CSMD1: variants seen among roughly 807,000 people sequenced by gnomAD.
The protein encoded by CSMD1 is CUB and Sushi multiple domains 1.
CSMD1 carries 213 observed loss-of-function variants against 417.5 expected under a neutral mutation model. The ratio of observed to expected loss-of-function variants is 0.51; its 90% CI spans 0.46 to 0.57. The LOEUF (loss-of-function observed/expected upper bound fraction) is 0.57, where lower values mean the gene tolerates loss of function less well. CSMD1 is among the 20% of genes least tolerant of loss of function. The pLI, the probability that CSMD1 is intolerant of heterozygous loss-of-function variation, is 0.00. For synonymous variants in CSMD1, 2,862 were observed against 1,736.8 expected (o/e 1.65, Z -16.11); for missense variants, 6,923 against 4,529.7 (o/e 1.53, Z -15.17).
intron 5 of CSMD1, among the ~76,000 whole-genome samples, chr8:3,766,048 G>A (rs549118207): frequency 3.9e-5 from 6 of 152,286 alleles, no homozygotes; most frequent in Non-Finnish European, 5.9e-5. Context: ...TAAGGACTAC[G>A]TGCCAGGGAA....
chr8:3,852,112 G>A (rs1803951256), intron 5 of CSMD1, among the ~76,000 whole-genome samples: 1 of 152,162 alleles, frequency 6.6e-6, no homozygotes, highest in Admixed American at 6.5e-5. Flanking sequence ...AGAGGCTCAG[G>A]TTGTTGCAAA....
At chr8:3,237,869 ATAATTATACTATAAATATAAT>A (rs1277983956) in intron 26 of CSMD1, among the ~76,000 whole-genome samples, 625 of 29,108 alleles carry the variant, frequency 0.021, 222 homozygotes, top group Admixed American at 0.09. Flanking sequence ...TATAATTTTT[ATAATTATACTATAAATATAAT>A]TTTTATAATT....
At chr8:4,363,156 A>C (rs573558806) in intron 3 of CSMD1, among the ~76,000 whole-genome samples, 1 of 152,338 alleles carries the variant, frequency 6.6e-6, no homozygotes, top group African/African-American at 2.4e-5. Context: ...AGACAGTTTC[A>C]AACATACCTA....
At chr8:4,250,037 G>C (rs984406587) in intron 3 of CSMD1, among the ~76,000 whole-genome samples, 27 of 152,104 alleles carry the variant, frequency 1.8e-4, no homozygotes, top group African/African-American at 6.0e-4. Context: ...TGAATAAATT[G>C]ATGCCCCAAT....
At chr8:3,444,294 A>G (rs1283480230) in intron 12 of CSMD1, among the ~76,000 whole-genome samples, 1 of 152,226 alleles carries the variant, frequency 6.6e-6, no homozygotes, top group East Asian at 1.9e-4. Flanking sequence ...CTGGATGGCA[A>G]AGAAGCTATC....
intron 1 of CSMD1, among the ~76,000 whole-genome samples, chr8:4,864,966 A>G (rs1264098673): frequency 3.3e-5 from 5 of 150,680 alleles, no homozygotes; most frequent in African/African-American, 1.2e-4. Context: ...TTTAAATATT[A>G]TAATATTATT....
intron 54 of CSMD1, among the ~76,000 whole-genome samples, chr8:2,991,855 C>T (rs1806415361): frequency 6.6e-6 from 1 of 152,246 alleles, no homozygotes; most frequent in East Asian, 1.9e-4. Context: ...TAAATTCCAC[C>T]TATTACAAAG....
chr8:3,229,311 G>C (rs927307564), intron 27 of CSMD1, among the ~76,000 whole-genome samples: 1 of 152,100 alleles, frequency 6.6e-6, no homozygotes, highest in Non-Finnish European at 1.5e-5. Flanking sequence ...ATAAAGTTCA[G>C]TAGTTTCTTT....
chr8:3,196,096 A>C (rs1323343924), intron 33 of CSMD1, among the ~76,000 whole-genome samples: 1 of 152,168 alleles, frequency 6.6e-6, no homozygotes, highest in Non-Finnish European at 1.5e-5. Context: ...AAATCCACCA[A>C]AACCAAGATG....
At chr8:4,055,460 A>C (rs1013060417) in intron 3 of CSMD1, among the ~76,000 whole-genome samples, 5 of 147,224 alleles carry the variant, frequency 3.4e-5, no homozygotes, top group Admixed American at 6.6e-5. Context: ...AGAAAAATTT[A>C]ATAAATTATA....
intron 3 of CSMD1, among the ~76,000 whole-genome samples, chr8:4,101,070 C>G (rs1032169217): frequency 6.6e-6 from 1 of 152,122 alleles, no homozygotes; most frequent in Non-Finnish European, 1.5e-5. Context: ...AGAGACGAGA[C>G]GGCGCTGGGT....
chr8:4,604,408 T>C (rs62486693), intron 2 of CSMD1, among the ~76,000 whole-genome samples: 115 of 59,480 alleles, frequency 1.9e-3, no homozygotes, highest in Non-Finnish European at 4.0e-3. Context: ...TGTGTGTGTG[T>C]GTGCGCGTGC....
intron 4 of CSMD1, among the ~76,000 whole-genome samples, chr8:4,006,247 G>C (rs1585119573): frequency 6.6e-6 from 1 of 152,176 alleles, no homozygotes; most frequent in Non-Finnish European, 1.5e-5. Context: ...CAGGAGTAAG[G>C]ATCATTCACC....
intron 5 of CSMD1, among the ~76,000 whole-genome samples, chr8:3,852,483 G>C (rs935782109): frequency 5.9e-5 from 9 of 152,168 alleles, no homozygotes; most frequent in Admixed American, 1.3e-4. Context: ...GAATAAGCTG[G>C]GATATAGAAG....
At chr8:3,533,338 G>C (rs1296565418) in intron 10 of CSMD1, among the ~76,000 whole-genome samples, 10 of 152,116 alleles carry the variant, frequency 6.6e-5, no homozygotes, top group African/African-American at 2.4e-4. Flanking sequence ...CAGATCTCTA[G>C]AACTTATTCA....
chr8:3,394,922 A>C (rs1747946912), intron 17 of CSMD1, among the ~76,000 whole-genome samples: 1 of 152,228 alleles, frequency 6.6e-6, no homozygotes, highest in Non-Finnish European at 1.5e-5. Context: ...TGATATTGGA[A>C]TATTTTTATC....
At chr8:4,881,553 T>C (rs1803403899) in intron 1 of CSMD1, among the ~76,000 whole-genome samples, 1 of 119,870 alleles carries the variant, frequency 8.3e-6, no homozygotes, top group South Asian at 2.6e-4. Context: ...TTTTTTTTTA[T>C]CTCATTTACG....
intron 50 of CSMD1, among the ~76,000 whole-genome samples, chr8:3,034,824 A>G (rs1810569167): frequency 6.6e-6 from 1 of 152,218 alleles, no homozygotes; most frequent in African/African-American, 2.4e-5. Context: ...GATAAAACTG[A>G]GAAATATAGA....
intron 5 of CSMD1, among the ~76,000 whole-genome samples, chr8:3,824,630 C>A (rs368002371): frequency 2.6e-5 from 4 of 152,232 alleles, no homozygotes; most frequent in African/African-American, 9.6e-5. Context: ...TGTTTTTCTA[C>A]TGATTACATG....
Sources: gnomAD v4.1 joint callset for allele counts (sites outside exome capture counted in the v4.1 genomes callset) on GRCh38, gnomAD v4.1.1 for gene constraint, MANE v1.5 for transcripts, NCBI Gene and HGNC (gene_info 2026-07-23, HGNC 2026-07-21) for gene names.